GTF3C5: variants seen among roughly 807,000 people sequenced by gnomAD.
GTF3C5 encodes the protein general transcription factor 3C polypeptide 5.
Under a neutral mutation model 61.0 loss-of-function variants are expected in GTF3C5, and 47 were observed. That is an observed-to-expected ratio of 0.77 (90% CI 0.61 to 0.98). The LOEUF is 0.98. Ranked by LOEUF, GTF3C5 falls within the 50% of genes least tolerant of loss-of-function variation. The pLI, the probability that GTF3C5 is intolerant of heterozygous loss-of-function variation, is 0.00. For synonymous variants in GTF3C5, 295 were observed against 275.4 expected, an observed-to-expected ratio of 1.07 and a Z score of -0.71; for missense variants, 659 against 703.3, an observed-to-expected ratio of 0.94 and a Z score of 0.71.
intron 3 of GTF3C5, among the ~76,000 whole-genome samples, chr9:133,048,623 C>G (rs1015149051): frequency 5.3e-5 from 8 of 151,994 alleles, no homozygotes; most frequent in Admixed American, 3.9e-4. Context: ...GAGCTGAGAT[C>G]GTGCCATTGC....
Position 133,050,780 on chromosome 9 carries a change from C to G in GTF3C5, c.573-3C>G. On this transcript the variant is annotated splice_polypyrimidine_tract_variant and splice_region_variant and intron_variant, in intron 3 of 10. Coordinates refer to ENST00000372097, the MANE Select transcript of GTF3C5 (RefSeq NM_012087.4). ...TGTTCTCACCTGTACTCTCTGCCCC[C>G]AGGGAAGGCTACAACAATCCCCCCA... is the stretch of plus-strand genomic sequence containing the variant. 1.2e-6 allele frequency: 2 copies of G among 1,609,444 alleles called. No individual in the cohort carries two copies. The highest frequency in any genetic ancestry group is 1.7e-6 in the Non-Finnish European group (2 of 1,177,302).
rs556482628 is a variant in GTF3C5, at chr9:133,031,459, C to T, written c.153+295C>T. Reference sequence around the variant, plus strand: ...CTCCGCCTCCAGGGTTCAAGCGATTCTCCTGCCTCAGCCTCCAGAGTAGCT... The same window carrying T: ...CTCCGCCTCCAGGGTTCAAGCGATTTTCCTGCCTCAGCCTCCAGAGTAGCT... On this transcript the variant is annotated intron_variant, in intron 1 of 10. Transcript: ENST00000372097. Among the ~76,000 whole-genome samples, 60 of 152,278 alleles carry T rather than the reference C, an allele frequency of 3.9e-4. 1 individual carries two copies. The highest frequency in any genetic ancestry group is 3.4e-3 in the Admixed American group (52 of 15,296).
chr9:133,054,296 C>T, intron 6 of GTF3C5, 112 bp from the exon 7 acceptor site: 1 of 836,274 alleles, frequency 1.2e-6, no homozygotes, highest in Non-Finnish European at 2.0e-6. Flanking sequence ...TCTGGGGTTG[C>T]CCTCTCAGGA....
At chr9:133,052,869 G>A (rs766566340) in intron 5 of GTF3C5, among the ~76,000 whole-genome samples, 1 of 148,496 alleles carries the variant, frequency 6.7e-6, no homozygotes, top group Non-Finnish European at 1.5e-5. Context: ...GTCTCACTCT[G>A]TCTCCCAGGC....
chr9:133,051,498 CTTG>C (rs1278508198), intron 4 of GTF3C5, among the ~76,000 whole-genome samples: 1 of 152,232 alleles, frequency 6.6e-6, no homozygotes. Flanking sequence ...ACGTGGATGT[CTTG>C]TTGATTTCCA....
chr9:133,042,980 C>T lies in GTF3C5; in HGVS notation c.373+674C>T, dbSNP rs118146517. Among the ~76,000 whole-genome samples the T allele has an allele frequency of 8.5e-3, 1,289 of 152,334 alleles. 8 individuals carry two copies. Among genetic ancestry groups the T allele is most frequent in the Non-Finnish European group, 0.013 (854 of 68,032 alleles). On this transcript the variant is annotated intron_variant, in intron 2 of 10. Transcript: ENST00000372097. ...AGGCAATGCTTGTGAATGGGCCAGC[C>T]TCTGGCCCACAGGAGGTGCCTGGCA...
At chr9:133,050,217 C>T (rs529990710) in intron 3 of GTF3C5, among the ~76,000 whole-genome samples, 1 of 152,286 alleles carries the variant, frequency 6.6e-6, no homozygotes, top group South Asian at 2.1e-4. Flanking sequence ...GCAAATTTCC[C>T]AGTCCCTGTG....
At chr9:133,034,075 C>T (rs1342456208) in intron 1 of GTF3C5, among the ~76,000 whole-genome samples, 7 of 152,056 alleles carry the variant, frequency 4.6e-5, no homozygotes, top group African/African-American at 1.7e-4. Context: ...CCGTACCGTC[C>T]GAATACAGAG....
chr9:133,053,847 G>A lies in GTF3C5; in HGVS notation c.893G>A (p.Ser298Asn). ...TCCCAGATAACAGGCCCCTGGCGCAGCCTATGGATTCGATTTGGGTATGAC... is the reference window on the plus strand; with the variant it reads ...TCCCAGATAACAGGCCCCTGGCGCAACCTATGGATTCGATTTGGGTATGAC... ...AYYMITGPWR[S>N]LWIRFGYDPR... Residue 298 changes from serine to asparagine, a missense_variant, in exon 6 of 11, where the codon AGC becomes AAC. Ser to Asn is a conservative substitution (Grantham distance 46, BLOSUM62 1). Transcript: ENST00000372097. The A allele has an allele frequency of 6.2e-7, 1 of 1,610,932 alleles. No individual in the cohort carries two copies. The highest frequency in any genetic ancestry group is 8.5e-7 in the Non-Finnish European group (1 of 1,177,938).
In GTF3C5 at chr9:133,057,815, T is replaced by C; in HGVS notation, c.1395T>C (p.Ala465=). Residue 465 remains alanine, a splice_region_variant and synonymous_variant, in exon 11 of 11, where the codon GCT becomes GCC. Transcript: ENST00000372097. ...TGGCCTTGTCTCCTCCGGCCCCAGCTCTCTTTTCCAGCTCAGCCAAGGCTG... is the reference window on the plus strand; with the variant it reads ...TGGCCTTGTCTCCTCCGGCCCCAGCCCTCTTTTCCAGCTCAGCCAAGGCTG... The part of the protein sequence containing the change: ...IRQTIRSKRP[A]LFSSSAKADG... 6.3e-7 allele frequency: 1 copy of C among 1,599,236 alleles called. No individual in the cohort carries two copies. Among genetic ancestry groups the C allele is most frequent in the African/African-American group, 1.3e-5 (1 of 74,694 alleles).
chr9:133,043,295 T>A (rs905660799), intron 2 of GTF3C5, among the ~76,000 whole-genome samples: 1 of 152,218 alleles, frequency 6.6e-6, no homozygotes, highest in African/African-American at 2.4e-5. Flanking sequence ...AACCAGCATC[T>A]TGCTGCTCTG....
intron 4 of GTF3C5, among the ~76,000 whole-genome samples, chr9:133,051,514 A>G (rs996852457): frequency 2.0e-5 from 3 of 152,244 alleles, no homozygotes; most frequent in African/African-American, 7.2e-5. Context: ...GATTTCCAGC[A>G]GTCACTGGGG....
intron 8 of GTF3C5, chr9:133,055,458 T>G: frequency 1.6e-6 from 2 of 1,221,726 alleles, no homozygotes; most frequent in Non-Finnish European, 2.1e-6. Flanking sequence ...AGACCTTTGC[T>G]GCCTTCCCAG....
Position 133,050,970 on chromosome 9 carries a change from C to A in GTF3C5, c.760C>A (p.Leu254Met). 1.2e-6 allele frequency: 2 copies of A among 1,606,482 alleles called. No individual in the cohort carries two copies. The highest frequency in any genetic ancestry group is 1.7e-6 in the Non-Finnish European group (2 of 1,176,654). ...NPVDRKVEEELRKLFDIRPIW... is the reference protein window; with the variant it reads ...NPVDRKVEEEMRKLFDIRPIW... The stretch of plus-strand genomic sequence containing the variant: ...CGTGGACCGGAAGGTGGAGGAGGAG[C>A]TGAGGAAGGCAAGTCCTGCGCTGCG... Residue 254 changes from leucine (L) to methionine (M), a missense_variant, in exon 4 of 11, where the codon CTG becomes ATG. By Grantham distance (15) the Leu-to-Met change is conservative. Transcript: ENST00000372097.
chr9:133,042,960 A>G lies in GTF3C5; in HGVS notation c.373+654A>G, dbSNP rs73662416. ...GCCCTCGTGAAGATTCCGGGAGGCA[A>G]TGCTTGTGAATGGGCCAGCCTCTGG... On this transcript the variant is annotated intron_variant, in intron 2 of 10. Coordinates refer to ENST00000372097, the MANE Select transcript of GTF3C5 (RefSeq NM_012087.4). 8.0e-3 allele frequency among the ~76,000 whole-genome samples: 1,212 copies of G among 152,324 alleles called. 20 individuals are homozygous for G. The highest frequency in any genetic ancestry group is 0.026 in the African/African-American group (1,080 of 41,568).
chr9:133,053,221 A>AATG (rs1850439047), intron 5 of GTF3C5, among the ~76,000 whole-genome samples: 1 of 152,156 alleles, frequency 6.6e-6, no homozygotes, highest in African/African-American at 2.4e-5. Flanking sequence ...CAGTAGTAAC[A>AATG]TTGGGCACTT....
chr9:133,037,528 G>A (rs1849903907), intron 1 of GTF3C5, among the ~76,000 whole-genome samples: 1 of 152,058 alleles, frequency 6.6e-6, no homozygotes, highest in Non-Finnish European at 1.5e-5. Context: ...ATGGTGGGGG[G>A]GTGGGACTTG....
At chr9:133,030,764 G>A, upstream of GTF3C5, 1 of 604,238 alleles carries the variant, frequency 1.7e-6, no homozygotes, top group South Asian at 1.9e-5. Flanking sequence ...TGCTTGCCCC[G>A]CCCGGTGGAC....
intron 8 of GTF3C5, chr9:133,055,028 G>A (rs1378133349): frequency 2.6e-6 from 4 of 1,551,524 alleles, no homozygotes; most frequent in Non-Finnish European, 3.5e-6. Context: ...AAGAGGTGGT[G>A]ACAAGTCTCA....
Sources: gnomAD v4.1 joint callset for allele counts (sites outside exome capture counted in the v4.1 genomes callset) on GRCh38, gnomAD v4.1.1 for gene constraint, MANE v1.5 for transcripts, NCBI Gene and HGNC (gene_info 2026-07-23, HGNC 2026-07-21) for gene names.